Variants in DNAJC13 observed in about 807,000 individuals in gnomAD.
DNAJC13 encodes DnaJ heat shock protein family (Hsp40) member C13.
In DNAJC13, 75 loss-of-function variants were observed where a neutral mutation model predicts 290.5. The ratio of observed to expected loss-of-function variants is 0.26; its 90% confidence interval spans 0.21 to 0.31. DNAJC13 has a LOEUF of 0.31. Among genes scored for constraint, DNAJC13 ranks in the 10% least tolerant of loss-of-function variants. DNAJC13 has a pLI of 1.00. For synonymous variants in DNAJC13, 862 were observed against 892.0 expected (o/e 0.97, Z 0.60); for missense variants, 2,260 against 2,674.5 (o/e 0.85, Z 3.42).
chr3:132,454,645 C>T (rs1187936432), intron 9 of DNAJC13, among the ~76,000 whole-genome samples: 1 of 151,916 alleles, frequency 6.6e-6, no homozygotes, highest in Non-Finnish European at 1.5e-5. Flanking sequence ...TGGCCTATAA[C>T]TAGTGTTTTT....
At chr3:132,474,481 C>T (rs1934396144) in intron 21 of DNAJC13, 1 of 152,286 alleles carries the variant, frequency 6.6e-6, no homozygotes, top group Non-Finnish European at 1.5e-5. Context: ...ACCTCATGAT[C>T]CTCCTGCCTC....
intron 34 of DNAJC13, among the ~76,000 whole-genome samples, chr3:132,494,534 T>C (rs1292129283): frequency 6.6e-6 from 1 of 152,178 alleles, no homozygotes; most frequent in Non-Finnish European, 1.5e-5. Context: ...TGACACATGG[T>C]AGCCATTCAC....
intron 13 of DNAJC13, 75 bp downstream of exon 13, chr3:132,457,443 T>A: frequency 8.6e-7 from 1 of 1,157,170 alleles, no homozygotes; most frequent in Non-Finnish European, 1.3e-6. Context: ...AGTCCCAGAT[T>A]TTCATTGTAC....
chr3:132,453,517 T>A lies in DNAJC13; in HGVS notation c.744+13T>A, dbSNP rs1933487533. 6.2e-7 allele frequency: 1 copy of A among 1,611,266 alleles called. No homozygotes were observed. The highest frequency in any genetic ancestry group is 8.5e-7 in the Non-Finnish European group (1 of 1,178,992). ...ACCTAGACATTCGGTAAGACCCATATGTTAAAAATGAAAATTTGTTCACCT... is the reference window on the plus strand; with the variant it reads ...ACCTAGACATTCGGTAAGACCCATAAGTTAAAAATGAAAATTTGTTCACCT... On this transcript the variant is annotated intron_variant, in intron 7 of 55. Transcript: ENST00000260818.
intron 43 of DNAJC13, among the ~76,000 whole-genome samples, chr3:132,510,237 G>A (rs937013162): frequency 2.6e-5 from 4 of 152,186 alleles, no homozygotes; most frequent in African/African-American, 9.6e-5. Context: ...GCCAATATTA[G>A]GAGAAAATAT....
chr3:132,514,921 T>TCGGCGTCCACC, intron 46 of DNAJC13: 1 of 194,554 alleles, frequency 5.1e-6, no homozygotes, highest in Non-Finnish European at 9.2e-6. Context: ...TTCAGTTTGT[T>TCGGCGTCCACC]GAGATCTACA....
chr3:132,526,829 T>G (rs1294360041), intron 53 of DNAJC13, among the ~76,000 whole-genome samples: 1 of 152,200 alleles, frequency 6.6e-6, no homozygotes, highest in Non-Finnish European at 1.5e-5. Flanking sequence ...TTTAAAAACT[T>G]ACAAAAGCGA....
At chr3:132,443,170 A>AT (rs1445231281) in intron 2 of DNAJC13, among the ~76,000 whole-genome samples, 2 of 151,512 alleles carry the variant, frequency 1.3e-5, no homozygotes, top group East Asian at 3.9e-4. Flanking sequence ...TCTTTTTTTT[A>AT]TTTTTTTTGA....
intron 20 of DNAJC13, among the ~76,000 whole-genome samples, chr3:132,468,693 T>C (rs961818795): frequency 6.6e-5 from 10 of 152,122 alleles, no homozygotes; most frequent in African/African-American, 2.4e-4. Flanking sequence ...TTTTTTGATA[T>C]ACAAGCAAAA....
intron 2 of DNAJC13, among the ~76,000 whole-genome samples, chr3:132,437,807 T>C (rs962940032): frequency 6.6e-6 from 1 of 152,194 alleles, no homozygotes; most frequent in Non-Finnish European, 1.5e-5. Flanking sequence ...CATTTCCATA[T>C]GAATTTTAGA....
intron 27 of DNAJC13, among the ~76,000 whole-genome samples, chr3:132,482,868 G>GA (rs1219326649): frequency 6.8e-4 from 92 of 135,956 alleles, no homozygotes; most frequent in Middle Eastern, 7.4e-3. Flanking sequence ...CTCCAAAAAA[G>GA]AAAAAAAAAA....
chr3:132,499,921 C>A, intron 38 of DNAJC13, 113 bp downstream of exon 38: 3 of 913,934 alleles, frequency 3.3e-6, no homozygotes, highest in Admixed American at 2.2e-5. Flanking sequence ...CTGAGCTCCA[C>A]CCCACCCCAA....
Position 132,538,467 on chromosome 3 carries a change from A to T in DNAJC13, c.*185A>T. On this transcript the variant is annotated 3_prime_UTR_variant, in exon 56 of 56. Transcript: ENST00000260818. ...TAATTGTATCACATTATAAGAAAGC[A>T]CTCTGTGGATCAACATAAGTGGGTA... is the stretch of plus-strand genomic sequence containing the variant. 3 of 481,024 alleles carry T rather than the reference A, an allele frequency of 6.2e-6. No homozygotes were observed. Among genetic ancestry groups the T allele is most frequent in the East Asian group, 3.3e-5 (1 of 29,898 alleles). 29.8% of individuals were successfully genotyped at this position (481,024 alleles called of 1,614,324 possible).
chr3:132,504,327 T>TA (rs1170436061), intron 41 of DNAJC13, among the ~76,000 whole-genome samples: 16 of 131,766 alleles, frequency 1.2e-4, no homozygotes, highest in African/African-American at 4.9e-4. Flanking sequence ...TTTTTTTTTT[T>TA]AATTTTGTTT....
intron 1 of DNAJC13, among the ~76,000 whole-genome samples, chr3:132,419,052 T>C (rs1559860537): frequency 6.6e-6 from 1 of 152,238 alleles, no homozygotes; most frequent in South Asian, 2.1e-4. Context: ...TGTGAAACGC[T>C]TTTTAAGCTA....
In DNAJC13 at chr3:132,502,507, A is replaced by G. The variant is rs201025202; in HGVS notation, c.4716+39A>G. On this transcript the variant is annotated intron_variant, in intron 40 of 55. Transcript: ENST00000260818. ...TGCTTTAATATTGAATTTGAACCCA[A>G]ACCTTAGGTTGGTGTTAAACTAATC... The G allele has an allele frequency of 4.5e-5, 69 of 1,543,172 alleles. No individual in the cohort carries two copies. In the Middle Eastern group the frequency reaches 2.7e-3, roughly 59 times the overall value.
intron 37 of DNAJC13, 98 bp downstream of exon 37, chr3:132,499,408 A>C (rs1025169427): frequency 9.5e-6 from 10 of 1,052,252 alleles, no homozygotes; most frequent in African/African-American, 4.8e-5. Context: ...CAGATTCTTT[A>C]ATTTATTTCA....
Position 132,447,315 on chromosome 3 carries a change from T to C in DNAJC13, c.145-6T>C. Reference sequence around the variant, plus strand: ...TAGCACCAGTCAAAATTTTTTTTTTTTTAAGTGGCCTTATGGAGACATTTG... The same window carrying C: ...TAGCACCAGTCAAAATTTTTTTTTTCTTAAGTGGCCTTATGGAGACATTTG... On this transcript the variant is annotated splice_region_variant and splice_polypyrimidine_tract_variant and intron_variant, in intron 3 of 55. Coordinates refer to ENST00000260818, the MANE Select transcript of DNAJC13 (RefSeq NM_015268.4). 1.3e-6 allele frequency: 2 copies of C among 1,547,750 alleles called. No individual in the cohort carries two copies. Among genetic ancestry groups the C allele is most frequent in the Non-Finnish European group, 1.7e-6 (2 of 1,157,370 alleles).
chr3:132,533,835 C>A (rs1383127672), intron 55 of DNAJC13, among the ~76,000 whole-genome samples: 1 of 152,084 alleles, frequency 6.6e-6, no homozygotes, highest in African/African-American at 2.4e-5. Flanking sequence ...ACCAAAAGGT[C>A]TGTGGTTAGA....
Sources: gnomAD v4.1 joint callset for allele counts (sites outside exome capture counted in the v4.1 genomes callset) on GRCh38, gnomAD v4.1.1 for gene constraint, MANE v1.5 for transcripts, NCBI Gene and HGNC (gene_info 2026-07-23, HGNC 2026-07-21) for gene names.